DMD: variants seen among roughly 807,000 people sequenced by gnomAD.
DMD encodes the protein dystrophin.
DMD carries 63 observed loss-of-function variants against 330.1 expected under a neutral mutation model. That is an observed-to-expected ratio of 0.19 (90% confidence interval 0.16 to 0.24). DMD has a LOEUF of 0.24. DMD is among the 10% of genes least tolerant of loss of function. DMD has a pLI of 1.00. For missense variants in DMD, 3,344 were observed against 2,684.1 expected, an observed-to-expected ratio of 1.25 and a Z score of -5.43; for synonymous variants, 1,223 against 959.8, an observed-to-expected ratio of 1.27 and a Z score of -5.07.
chrX:31,334,749 T>C (rs911678824), intron 61 of DMD, among the ~76,000 whole-genome samples: 4 of 112,167 alleles, frequency 3.6e-5, no homozygotes, highest in African/African-American at 1.3e-4. Flanking sequence ...GCCAAAGGCT[T>C]TTAACGATAG....
intron 55 of DMD, among the ~76,000 whole-genome samples, chrX:31,622,167 C>T (rs758468258): frequency 1.6e-3 from 182 of 111,585 alleles, no homozygotes; most frequent in African/African-American, 5.8e-3. Context: ...TCTCATAATG[C>T]TATTATAATT....
At chrX:31,775,210 A>C (rs1438296150) in intron 50 of DMD, among the ~76,000 whole-genome samples, 1 of 111,348 alleles carries the variant, frequency 9.0e-6, no homozygotes, top group South Asian at 3.8e-4. Context: ...TGACAATGCC[A>C]GAAAGAGCAG....
Position 31,492,203 on chromosome X carries a change from A to G in DMD, c.8547+4585T>C, listed in dbSNP as rs192370104. ...TCTGGAAACATGGCAAAGTAAAACA[A>G]AAGTCCACAAATATAAGATCTGTCA... On this transcript the variant is annotated intron_variant, in intron 57 of 78. Transcript: ENST00000357033. Among the ~76,000 whole-genome samples the G allele has an allele frequency of 5.8e-3, 658 of 112,692 alleles. 3 individuals carry two copies. The highest frequency in any genetic ancestry group is 0.027 in the Middle Eastern group (6 of 219).
At chrX:33,026,753 A>G (rs1272887612) in intron 1 of DMD, among the ~76,000 whole-genome samples, 4 of 111,917 alleles carry the variant, frequency 3.6e-5, no homozygotes, top group Non-Finnish European at 5.6e-5. Context: ...TGTTCATGTC[A>G]AAGATATTTC....
intron 7 of DMD, among the ~76,000 whole-genome samples, chrX:32,796,937 ATT>A (rs1464724898): frequency 1.8e-5 from 2 of 112,052 alleles, no homozygotes; most frequent in African/African-American, 3.2e-5. Flanking sequence ...TTACCCAAAT[ATT>A]GTTGTAAAAT....
intron 43 of DMD, among the ~76,000 whole-genome samples, chrX:32,252,667 T>A (rs868129596): frequency 1.2e-4 from 5 of 40,726 alleles, no homozygotes; most frequent in Admixed American, 5.0e-4. Flanking sequence ...TATATAAATA[T>A]ATATATATAA....
intron 50 of DMD, among the ~76,000 whole-genome samples, chrX:31,807,671 G>A (rs1196055295): frequency 2.7e-5 from 3 of 111,921 alleles, no homozygotes; most frequent in Admixed American, 9.5e-5. Context: ...TTCCACCCAC[G>A]GAGATTTAAT....
chrX:32,914,816 A>G (rs926209499), intron 2 of DMD, among the ~76,000 whole-genome samples: 2 of 112,421 alleles, frequency 1.8e-5, no homozygotes, highest in Non-Finnish European at 3.8e-5. Flanking sequence ...TAAATATAAA[A>G]ACAAACTAAA....
chrX:31,491,167 A>G (rs1000071090), intron 57 of DMD, among the ~76,000 whole-genome samples: 1 of 112,272 alleles, frequency 8.9e-6, no homozygotes, highest in Non-Finnish European at 1.9e-5. Flanking sequence ...TTTCATTAGT[A>G]AAAAGGCAAA....
intron 55 of DMD, among the ~76,000 whole-genome samples, chrX:31,573,790 A>T (rs916003532): frequency 3.0e-4 from 33 of 111,230 alleles, no homozygotes; most frequent in African/African-American, 7.8e-4. Flanking sequence ...AGGCCCTTTA[A>T]CCTATTTTGA....
intron 47 of DMD, among the ~76,000 whole-genome samples, chrX:31,909,011 T>G (rs772356772): frequency 2.1e-4 from 24 of 112,461 alleles, no homozygotes; most frequent in Non-Finnish European, 3.9e-4. Context: ...CCTTAAATGA[T>G]CTCCACAACC....
At chrX:32,700,597 TTAA>T (rs1358104277) in intron 7 of DMD, among the ~76,000 whole-genome samples, 2 of 111,718 alleles carry the variant, frequency 1.8e-5, no homozygotes, top group African/African-American at 6.5e-5. Context: ...AAAACATGTA[TTAA>T]TTAGTTCAAT....
At position 32,545,258 on chromosome X, in the gene DMD, G is replaced by A. The variant is rs762475657; in HGVS notation, c.2069C>T (p.Thr690Ile). ...ATGCTTTACCAGGATCTGTTCCCTT[G>A]TGGTCACCGTAGTTACTGTTTCCAT... ...TVMETVTTVT[T>I]REQILVKHAQ... The change falls in exon 17 of 79, where the codon ACA becomes ATA. Residue 690 changes from threonine to isoleucine, a missense_variant. Physicochemically the swap from Thr to Ile is moderately conservative, Grantham distance 89. Transcript: ENST00000357033. 33 of 1,208,361 alleles carry A rather than the reference G, an allele frequency of 2.7e-5. No homozygotes were observed. The highest frequency in any genetic ancestry group is 3.6e-5 in the Non-Finnish European group (32 of 893,845).
chrX:32,015,808 C>T (rs759662961), intron 44 of DMD, among the ~76,000 whole-genome samples: 6 of 111,977 alleles, frequency 5.4e-5, no homozygotes, highest in Non-Finnish European at 1.1e-4. Context: ...TACCATTCAC[C>T]AAGCTGATGG....
At chrX:32,639,453 T>C (rs1298468772) in intron 11 of DMD, among the ~76,000 whole-genome samples, 6 of 112,403 alleles carry the variant, frequency 5.3e-5, no homozygotes, top group Non-Finnish European at 5.6e-5. Context: ...TTTTAAACAC[T>C]ACATTATGAA....
intron 52 of DMD, among the ~76,000 whole-genome samples, chrX:31,690,008 T>A (rs745809705): frequency 8.9e-5 from 10 of 111,819 alleles, no homozygotes; most frequent in African/African-American, 3.2e-4. Context: ...CCTAAAACCA[T>A]AAAAACCCTA....
intron 44 of DMD, among the ~76,000 whole-genome samples, chrX:32,060,518 G>A (rs2096215231): frequency 9.0e-6 from 1 of 111,045 alleles, no homozygotes; most frequent in Admixed American, 9.6e-5. Context: ...GAGAAGTTCC[G>A]GTTTGCTACT....
At chrX:31,807,668 C>T (rs955692904) in intron 50 of DMD, among the ~76,000 whole-genome samples, 2 of 111,677 alleles carry the variant, frequency 1.8e-5, no homozygotes, top group African/African-American at 6.5e-5. Flanking sequence ...CAATTCCACC[C>T]ACGGAGATTT....
intron 63 of DMD, among the ~76,000 whole-genome samples, chrX:31,245,573 G>A (rs1803481296): frequency 8.9e-6 from 1 of 111,953 alleles, no homozygotes; most frequent in Non-Finnish European, 1.9e-5. Context: ...ATCCTGTGTT[G>A]AGCATGTCTA....
Sources: gnomAD v4.1 joint callset for allele counts (sites outside exome capture counted in the v4.1 genomes callset) on GRCh38, gnomAD v4.1.1 for gene constraint, MANE v1.5 for transcripts, NCBI Gene and HGNC (gene_info 2026-07-23, HGNC 2026-07-21) for gene names.